The following ARFIP1 variants were observed in gnomAD, a reference collection of about 807,000 sequenced individuals.
ARFIP1 encodes ARF interacting protein 1, also known as arfaptin-1.
ARFIP1 carries 24 observed loss-of-function variants against 42.5 expected under a neutral mutation model. The ratio of observed to expected loss-of-function variants is 0.57; its 90% CI spans 0.41 to 0.80. The LOEUF is 0.80. Ranked by LOEUF, ARFIP1 falls within the 30% of genes least tolerant of loss-of-function variation. The pLI is 0.00. For synonymous variants in ARFIP1, 141 were observed against 153.7 expected (o/e 0.92, Z 0.61); for missense variants, 354 against 434.0 (o/e 0.82, Z 1.64).
At chr4:152,863,854 CTCT>C (rs1734096948) in intron 3 of ARFIP1, 140 bp downstream of exon 3, 1 of 532,644 alleles carries the variant, frequency 1.9e-6, no homozygotes, top group African/African-American at 1.9e-5. Context: ...ATTCCTTTTT[CTCT>C]TCAATTTAAG....
At chr4:152,862,759 C>T (rs753584820) in intron 2 of ARFIP1, among the ~76,000 whole-genome samples, 1 of 152,124 alleles carries the variant, frequency 6.6e-6, no homozygotes, top group Non-Finnish European at 1.5e-5. Context: ...CTCTGAAGTT[C>T]TAGTCATGTG....
rs564964696 is a variant in ARFIP1 at position 152,868,762 on chromosome 4, G to A, written c.203-1991G>A. On this transcript the variant is annotated intron_variant, in intron 3 of 8. Coordinates refer to ENST00000353617, the MANE Select transcript of ARFIP1 (RefSeq NM_001025595.3). ...TTTTAGAATCCCTTATGCCTTGGACGGTAGAGATACAGTCTTTGTTTAAAA... is the reference window on the plus strand; with the variant it reads ...TTTTAGAATCCCTTATGCCTTGGACAGTAGAGATACAGTCTTTGTTTAAAA... Among the ~76,000 whole-genome samples, 20 of 152,152 alleles carry A rather than the reference G, an allele frequency of 1.3e-4. 1 individual carries two copies. Among genetic ancestry groups the A allele is most frequent in the Admixed American group, 9.2e-4 (14 of 15,288 alleles).
At chr4:152,842,885 G>C (rs935139769) in intron 2 of ARFIP1, among the ~76,000 whole-genome samples, 3 of 151,818 alleles carry the variant, frequency 2.0e-5, no homozygotes, top group African/African-American at 7.3e-5. Context: ...TCCCTGGTTA[G>C]CTTAATAACT....
chr4:152,899,161 A>G (rs2149907640), intron 8 of ARFIP1, among the ~76,000 whole-genome samples: 1 of 152,304 alleles, frequency 6.6e-6, no homozygotes, highest in Non-Finnish European at 1.5e-5. Context: ...CTACATATGT[A>G]TCCCTTTTTT....
rs112675498 is a variant in ARFIP1, at chr4:152,829,292, G to A, written c.-9-333G>A. 4.5e-3 allele frequency among the ~76,000 whole-genome samples: 685 copies of A among 152,218 alleles called. 5 individuals carry two copies. The highest frequency in any genetic ancestry group is 0.013 in the South Asian group (61 of 4,824). On this transcript the variant is annotated intron_variant, in intron 1 of 8. Transcript: ENST00000353617. ...CAGTTGGAAAAATGGAGCTGCTGTAGTTGAATTAACAACCAAGCTTGGCTT... is the reference window on the plus strand; with the variant it reads ...CAGTTGGAAAAATGGAGCTGCTGTAATTGAATTAACAACCAAGCTTGGCTT...
intron 1 of ARFIP1, among the ~76,000 whole-genome samples, chr4:152,787,895 A>G (rs1307478886): frequency 1.3e-5 from 2 of 152,246 alleles, no homozygotes; most frequent in Admixed American, 1.3e-4. Context: ...ACCTGTAATT[A>G]AATTTTCAGT....
chr4:152,895,688 G>A lies in ARFIP1; in HGVS notation c.966+7381G>A, dbSNP rs537372187. 3.7e-4 allele frequency among the ~76,000 whole-genome samples: 56 copies of A among 150,462 alleles called. 1 individual carries two copies. In the South Asian group the frequency reaches 0.012, roughly 31 times the overall value. ...CACTCCTCCCACCTCAGGCTTTAGA[G>A]TAGATGGGATGACAGGCATGTGCTG... is the stretch of plus-strand genomic sequence containing the variant. On this transcript the variant is annotated intron_variant, in intron 8 of 8. Coordinates refer to ENST00000353617, the MANE Select transcript of ARFIP1 (RefSeq NM_001025595.3).
At chr4:152,853,693 C>T (rs1056999937) in intron 2 of ARFIP1, among the ~76,000 whole-genome samples, 8 of 152,218 alleles carry the variant, frequency 5.3e-5, no homozygotes, top group African/African-American at 1.7e-4. Context: ...ATGCCTAAAT[C>T]TCTTGCTAGA....
chr4:152,822,682 A>T (rs1293931572), intron 1 of ARFIP1, among the ~76,000 whole-genome samples: 1 of 152,232 alleles, frequency 6.6e-6, no homozygotes, highest in East Asian at 1.9e-4. Context: ...AGTCTCAATA[A>T]TTTTTTAAAA....
At chr4:152,900,918 A>C (rs1409249439) in intron 8 of ARFIP1, among the ~76,000 whole-genome samples, 1 of 152,226 alleles carries the variant, frequency 6.6e-6, no homozygotes, top group Non-Finnish European at 1.5e-5. Context: ...ATTTCATAGA[A>C]TTATTGGGAA....
At chr4:152,820,405 GAACCTTCTCACACACTGTA>G (rs375802712) in intron 1 of ARFIP1, among the ~76,000 whole-genome samples, 62 of 152,290 alleles carry the variant, frequency 4.1e-4, no homozygotes, top group Middle Eastern at 6.8e-3. Flanking sequence ...AGGAGACAGT[GAACCTTCTCACACACTGTA>G]TTAGTTTGTT....
chr4:152,824,377 G>T (rs1730647174), intron 1 of ARFIP1, among the ~76,000 whole-genome samples: 1 of 151,366 alleles, frequency 6.6e-6, no homozygotes, highest in African/African-American at 2.4e-5. Flanking sequence ...GGGATTCAGA[G>T]ATGGTTCAGC....
chr4:152,852,220 A>G (rs1325475513), intron 2 of ARFIP1, among the ~76,000 whole-genome samples: 2 of 152,246 alleles, frequency 1.3e-5, no homozygotes, highest in African/African-American at 4.8e-5. Context: ...GTTGTTAATT[A>G]TAAATGGGTC....
chr4:152,785,946 A>G (rs1316198818), intron 1 of ARFIP1, among the ~76,000 whole-genome samples: 1 of 152,240 alleles, frequency 6.6e-6, no homozygotes, highest in Admixed American at 6.5e-5. Context: ...AACATTGGCC[A>G]GCCCTGATAA....
chr4:152,822,219 T>G (rs1403916315), intron 1 of ARFIP1, among the ~76,000 whole-genome samples: 1 of 146,912 alleles, frequency 6.8e-6, no homozygotes, highest in Non-Finnish European at 1.5e-5. Context: ...TGGAAAAAGA[T>G]TTCGCACAAG....
At chr4:152,835,487 A>G (rs947787967) in intron 2 of ARFIP1, among the ~76,000 whole-genome samples, 2 of 152,190 alleles carry the variant, frequency 1.3e-5, no homozygotes, top group Non-Finnish European at 2.9e-5. Context: ...CCTCATTTCC[A>G]TCTGAAACCT....
intron 1 of ARFIP1, among the ~76,000 whole-genome samples, chr4:152,790,360 G>T (rs758560850): frequency 3.8e-4 from 58 of 152,140 alleles, no homozygotes; most frequent in Non-Finnish European, 7.1e-4. Flanking sequence ...ACCTCTCTTG[G>T]TTCTTGGTTG....
chr4:152,800,710 G>A (rs1483587932), intron 1 of ARFIP1, among the ~76,000 whole-genome samples: 1 of 151,984 alleles, frequency 6.6e-6, no homozygotes, highest in Non-Finnish European at 1.5e-5. Flanking sequence ...ACAGATATTT[G>A]CACTCTTCTT....
At chr4:152,858,809 C>G (rs1733643286) in intron 2 of ARFIP1, among the ~76,000 whole-genome samples, 1 of 152,032 alleles carries the variant, frequency 6.6e-6, no homozygotes, top group African/African-American at 2.4e-5. Flanking sequence ...GTGGTCATTG[C>G]TATGAGAAAA....
Sources: gnomAD v4.1 joint callset for allele counts (sites outside exome capture counted in the v4.1 genomes callset) on GRCh38, gnomAD v4.1.1 for gene constraint, MANE v1.5 for transcripts, NCBI Gene and HGNC (gene_info 2026-07-23, HGNC 2026-07-21) for gene names.